The following ERBIN variants were observed in gnomAD, a reference collection of about 807,000 sequenced individuals.
ERBIN encodes erbb2 interacting protein, also known as densin-180-like protein.
ERBIN carries 60 observed loss-of-function variants against 158.4 expected under a neutral mutation model. The ratio of observed to expected loss-of-function variants is 0.38; its 90% confidence interval spans 0.31 to 0.47. The LOEUF (loss-of-function observed/expected upper bound fraction) is 0.47, where lower values mean the gene tolerates loss of function less well. Ranked by LOEUF, ERBIN falls within the 20% of genes least tolerant of loss-of-function variation. ERBIN has a pLI of 0.99. For missense variants in ERBIN, 1,610 were observed against 1,648.0 expected, an observed-to-expected ratio of 0.98 and a Z score of 0.40; for synonymous variants, 594 against 557.2, an observed-to-expected ratio of 1.07 and a Z score of -0.93.
intron 12 of ERBIN, 23 bp from the exon 13 acceptor site, chr5:66,026,279 C>A: frequency 6.7e-7 from 1 of 1,493,152 alleles, no homozygotes; most frequent in Non-Finnish European, 9.0e-7. Context: ...TTTTTTGATA[C>A]TCAGTTTATA....
chr5:65,941,318 A>T (rs1580091301), intron 1 of ERBIN, among the ~76,000 whole-genome samples: 2 of 57,168 alleles, frequency 3.5e-5, no homozygotes, highest in East Asian at 2.8e-4. Flanking sequence ...ATCAATAAAA[A>T]AAAAAAAAAA....
Position 66,076,374 on chromosome 5 carries a change from G to T in ERBIN, c.4022G>T (p.Gly1341Val). 1.2e-6 allele frequency: 2 copies of T among 1,613,422 alleles called. No individual in the cohort carries two copies. Among genetic ancestry groups the T allele is most frequent in the East Asian group, 2.2e-5 (1 of 44,750 alleles). Reference sequence around the variant, plus strand: ...GGATTTAGCATATCAGGTGGTGTCGGGGGTAGAGGAAACCCATTCAGACCT... The same window carrying T: ...GGATTTAGCATATCAGGTGGTGTCGTGGGTAGAGGAAACCCATTCAGACCT... ...ELGFSISGGVGGRGNPFRPDD... is the reference protein window; with the variant it reads ...ELGFSISGGVVGRGNPFRPDD... The change falls in exon 24 of 26, where the codon GGG becomes GTG. Residue 1341 changes from glycine (G) to valine (V), a missense_variant. Coordinates refer to ENST00000284037, the MANE Select transcript of ERBIN (RefSeq NM_001253697.2).
At position 65,974,084 on chromosome 5, in the gene ERBIN, A is replaced by T. The variant is rs189045087; in HGVS notation, c.-57-14551A>T. On this transcript the variant is annotated intron_variant, in intron 1 of 25. Coordinates refer to ENST00000284037, the MANE Select transcript of ERBIN (RefSeq NM_001253697.2). The stretch of plus-strand genomic sequence containing the variant: ...ACTCCATCTCTACAAAATAAAAACT[A>T]AAAAAATAACCCTGATGTGGTGGTG... Among the ~76,000 whole-genome samples, 656 of 151,278 alleles carry T rather than the reference A, an allele frequency of 4.3e-3. 18 individuals are homozygous for T. Among genetic ancestry groups the T allele is most frequent in the Admixed American group, 0.037 (566 of 15,250 alleles).
At chr5:66,024,197 G>C (rs1156501717) in intron 9 of ERBIN, 109 bp from the exon 10 acceptor site, 3 of 721,422 alleles carry the variant, frequency 4.2e-6, no homozygotes, top group Non-Finnish European at 6.5e-6. Flanking sequence ...CTTCTTTCTT[G>C]TATTAGCATT....
chr5:65,970,094 T>A (rs1333558631), intron 1 of ERBIN, among the ~76,000 whole-genome samples: 1 of 150,788 alleles, frequency 6.6e-6, no homozygotes, highest in Admixed American at 6.7e-5. Flanking sequence ...ATTGTCTACG[T>A]CAAATTACAT....
chr5:66,015,697 C>G (rs1754641269), intron 7 of ERBIN, among the ~76,000 whole-genome samples: 1 of 152,044 alleles, frequency 6.6e-6, no homozygotes, highest in Non-Finnish European at 1.5e-5. Context: ...ATTAGCCGGG[C>G]ACAGCAGCAT....
At chr5:66,063,672 AT>A (rs1310791942) in intron 21 of ERBIN, among the ~76,000 whole-genome samples, 1 of 152,150 alleles carries the variant, frequency 6.6e-6, no homozygotes, top group African/African-American at 2.4e-5. Flanking sequence ...CTATTCGGCC[AT>A]CTTGGCTCCT....
intron 1 of ERBIN, among the ~76,000 whole-genome samples, chr5:65,964,317 G>A (rs1488652990): frequency 6.6e-6 from 1 of 152,176 alleles, no homozygotes; most frequent in Non-Finnish European, 1.5e-5. Flanking sequence ...ATTTGGTGTT[G>A]TATCAGAGGA....
At chr5:65,972,038 G>T (rs1749306874) in intron 1 of ERBIN, among the ~76,000 whole-genome samples, 2 of 152,092 alleles carry the variant, frequency 1.3e-5, no homozygotes, top group Non-Finnish European at 2.9e-5. Flanking sequence ...TTGTACAAAG[G>T]TGCTTTATGG....
chr5:66,060,833 C>T (rs963964900), intron 21 of ERBIN, among the ~76,000 whole-genome samples: 13 of 152,242 alleles, frequency 8.5e-5, no homozygotes, highest in East Asian at 1.9e-4. Context: ...TGTGCAGTTT[C>T]GATGTAGTTG....
At chr5:66,053,351 G>C (rs1338420922) in intron 20 of ERBIN, 55 bp from the exon 21 acceptor site, 1 of 1,099,032 alleles carries the variant, frequency 9.1e-7, no homozygotes, top group Non-Finnish European at 1.3e-6. Context: ...AATGTTCCCT[G>C]TTACTAAGAA....
At chr5:65,980,888 C>G (rs1284193377) in intron 1 of ERBIN, among the ~76,000 whole-genome samples, 3 of 152,120 alleles carry the variant, frequency 2.0e-5, no homozygotes, top group Non-Finnish European at 4.4e-5. Context: ...CGATAACTTA[C>G]AGAAAAAGCC....
intron 1 of ERBIN, among the ~76,000 whole-genome samples, chr5:65,968,705 C>T (rs1248257911): frequency 2.0e-5 from 3 of 152,098 alleles, no homozygotes; most frequent in Admixed American, 2.0e-4. Flanking sequence ...GGACTACAAG[C>T]GCCTGCCACT....
At chr5:66,075,346 G>T in intron 23 of ERBIN, 116 bp downstream of exon 23, 1 of 868,384 alleles carries the variant, frequency 1.2e-6, no homozygotes, top group Non-Finnish European at 1.8e-6. Context: ...ACCATTTAAA[G>T]TTTTATTTTT....
chr5:66,051,910 A>G (rs1467919760), intron 20 of ERBIN, among the ~76,000 whole-genome samples: 3 of 139,824 alleles, frequency 2.1e-5, no homozygotes, highest in South Asian at 2.3e-4. Flanking sequence ...AAAAAAAAAG[A>G]GACAGATTGG....
chr5:66,042,599 A>G (rs1301009289), intron 15 of ERBIN, among the ~76,000 whole-genome samples: 1 of 152,062 alleles, frequency 6.6e-6, no homozygotes, highest in Non-Finnish European at 1.5e-5. Flanking sequence ...AGGGATGTTC[A>G]CCCTATATAT....
chr5:65,999,477 A>C (rs1345220609), intron 4 of ERBIN, among the ~76,000 whole-genome samples: 1 of 152,226 alleles, frequency 6.6e-6, no homozygotes, highest in African/African-American at 2.4e-5. Flanking sequence ...GAACAGGGGA[A>C]TCGGAATAAC....
chr5:66,066,536 C>T (rs73763082), intron 21 of ERBIN, among the ~76,000 whole-genome samples: 1 of 145,460 alleles, frequency 6.9e-6, no homozygotes, highest in African/African-American at 2.5e-5. Flanking sequence ...AAAAAAAAAA[C>T]AAAAAAAACT....
At chr5:66,044,086 T>G in intron 16 of ERBIN, 51 bp from the exon 17 acceptor site, 1 of 1,351,362 alleles carries the variant, frequency 7.4e-7, no homozygotes, top group Non-Finnish European at 9.9e-7. Context: ...TTGTTTGAGA[T>G]TGACATTAGA....
Sources: gnomAD v4.1 joint callset for allele counts (sites outside exome capture counted in the v4.1 genomes callset) on GRCh38, gnomAD v4.1.1 for gene constraint, MANE v1.5 for transcripts, NCBI Gene and HGNC (gene_info 2026-07-23, HGNC 2026-07-21) for gene names.